GRIK4: variants seen among roughly 807,000 people sequenced by gnomAD.
The protein encoded by GRIK4 is glutamate ionotropic receptor kainate type subunit 4.
GRIK4 carries 40 observed loss-of-function variants against 104.9 expected under a neutral mutation model. The observed-to-expected ratio is 0.38, with a 90% CI of 0.30 to 0.50. GRIK4 has a LOEUF of 0.50. Among genes scored for constraint, GRIK4 ranks in the 20% least tolerant of loss-of-function variants. GRIK4 has a pLI of 0.93. For synonymous variants in GRIK4, 485 were observed against 524.9 expected (o/e 0.92, Z 1.04); for missense variants, 1,047 against 1,308.1 (o/e 0.80, Z 3.08).
chr11:120,976,697 T>G (rs1257511028), intron 19 of GRIK4, among the ~76,000 whole-genome samples: 1 of 152,232 alleles, frequency 6.6e-6, no homozygotes, highest in African/African-American at 2.4e-5. Context: ...TGTTGACCAA[T>G]GTCAAAGAGC....
chr11:120,529,722 T>G (rs1218075312), intron 1 of GRIK4, among the ~76,000 whole-genome samples: 1 of 152,222 alleles, frequency 6.6e-6, no homozygotes, highest in Non-Finnish European at 1.5e-5. Flanking sequence ...CTTTCCCACC[T>G]CAACCACCAT....
intron 11 of GRIK4, among the ~76,000 whole-genome samples, chr11:120,878,152 C>G (rs1018145179): frequency 1.3e-5 from 2 of 152,360 alleles, no homozygotes; most frequent in African/African-American, 4.8e-5. Flanking sequence ...GAGGCATCCT[C>G]CACAGCGGCT....
intron 3 of GRIK4, among the ~76,000 whole-genome samples, chr11:120,735,535 G>A (rs114462185): frequency 0.013 from 2,004 of 151,864 alleles, 39 homozygotes; most frequent in African/African-American, 0.045. Context: ...ACTGTAACCA[G>A]TACCTGGTTA....
rs766921998 is a variant in GRIK4, at chr11:120,956,878, C to T, written c.1799C>T (p.Pro600Leu). The T allele has an allele frequency of 1.7e-5, 27 of 1,613,880 alleles. No individual in the cohort carries two copies. The highest frequency in any genetic ancestry group is 2.2e-5 in the East Asian group (1 of 44,882). The change falls in exon 16 of 21, where the codon CCG becomes CTG. Residue 600 changes from proline to leucine, a missense_variant. Pro to Leu is a moderately conservative substitution (Grantham distance 98). This residue lies in a region of GRIK4 where 440 missense variants were observed against 652.3 expected (regional missense o/e 0.67). Coordinates refer to ENST00000527524, the MANE Select transcript of GRIK4 (RefSeq NM_014619.5). The surrounding 1 kb of genome is among the most constrained non-coding windows in gnomAD (Gnocchi z 4.6). ...QYSLGNSLWF[P>L]VGGFMQQGST... The stretch of plus-strand genomic sequence containing the variant: ...TCCCTGGGCAACAGCCTCTGGTTTC[C>T]GGTCGGGGGGTTCATGCAGCAAGGC...
rs1944793135 is a variant in GRIK4, at chr11:120,988,432, A to C, written c.*2172A>C. On this transcript the variant is annotated 3_prime_UTR_variant, in exon 21 of 21. Coordinates refer to ENST00000527524, the MANE Select transcript of GRIK4 (RefSeq NM_014619.5). ...GGGCGGGAAGGGTGGTTTTTTAAAA[A>C]AACTCGTTTTTATGAGCAGGCTATC... 6.6e-6 allele frequency: 1 copy of C among 152,260 alleles called. No homozygotes were observed. The highest frequency in any genetic ancestry group is 1.9e-4 in the East Asian group (1 of 5,184). The allele number at this position is 152,260 out of a possible 1,614,324, so 9.4% of individuals were successfully genotyped here. A position where few individuals can be genotyped will look rare whatever the true frequency, so the allele number is the denominator to read the frequency against.
intron 7 of GRIK4, among the ~76,000 whole-genome samples, chr11:120,836,280 C>T (rs1056625575): frequency 6.6e-6 from 1 of 152,150 alleles, no homozygotes; most frequent in Non-Finnish European, 1.5e-5. Context: ...CTTAGCCTTT[C>T]GTTGTGTCAG....
intron 1 of GRIK4, among the ~76,000 whole-genome samples, chr11:120,633,080 TG>T (rs1159673688): frequency 6.6e-5 from 10 of 152,220 alleles, no homozygotes; most frequent in Non-Finnish European, 1.0e-4. Context: ...CAGTGCCCTT[TG>T]CCTTGGGTGG....
At chr11:120,587,262 G>A (rs1329067724) in intron 1 of GRIK4, among the ~76,000 whole-genome samples, 3 of 152,070 alleles carry the variant, frequency 2.0e-5, no homozygotes, top group Admixed American at 1.3e-4. Context: ...ACCGACAATC[G>A]GGGTGAGAGG....
chr11:120,632,593 AC>A (rs1369310727), intron 1 of GRIK4, among the ~76,000 whole-genome samples: 1 of 152,060 alleles, frequency 6.6e-6, no homozygotes, highest in African/African-American at 2.4e-5. Flanking sequence ...TGTCCCAGCC[AC>A]CTTCTTCCTG....
chr11:120,526,554 C>T (rs1029377088), intron 1 of GRIK4, among the ~76,000 whole-genome samples: 8 of 152,164 alleles, frequency 5.3e-5, no homozygotes, highest in Non-Finnish European at 4.4e-5. Flanking sequence ...GTTTTTAGGC[C>T]GGGCACAGTG....
intron 1 of GRIK4, among the ~76,000 whole-genome samples, chr11:120,530,100 G>A (rs1476537745): frequency 3.9e-5 from 6 of 152,236 alleles, no homozygotes; most frequent in African/African-American, 1.4e-4. Context: ...CCCTGACCTT[G>A]GAAATGCCTG....
At chr11:120,810,981 A>G (rs1335154412) in intron 4 of GRIK4, among the ~76,000 whole-genome samples, 1 of 152,176 alleles carries the variant, frequency 6.6e-6, no homozygotes, top group Non-Finnish European at 1.5e-5. Context: ...GAATGATGTA[A>G]TTCCCCCCAC....
intron 3 of GRIK4, among the ~76,000 whole-genome samples, chr11:120,702,240 C>A (rs1432666924): frequency 6.6e-6 from 1 of 151,568 alleles, no homozygotes; most frequent in African/African-American, 2.4e-5. Context: ...AGGCGTGAGC[C>A]ACTGCGCCTG....
intron 16 of GRIK4, among the ~76,000 whole-genome samples, chr11:120,959,811 C>T (rs976542004): frequency 6.6e-6 from 1 of 152,202 alleles, no homozygotes; most frequent in African/African-American, 2.4e-5. Context: ...AAGTGCTTTT[C>T]GCCAGGTAGT....
intron 1 of GRIK4, among the ~76,000 whole-genome samples, chr11:120,640,109 C>G (rs1245447180): frequency 1.3e-5 from 2 of 152,146 alleles, no homozygotes; most frequent in African/African-American, 2.4e-5. Flanking sequence ...CAAGAAAGAA[C>G]TTGGGGCAAG....
At chr11:120,627,629 A>G (rs7928043) in intron 1 of GRIK4, among the ~76,000 whole-genome samples, 92,871 of 151,726 alleles carry the variant, frequency 0.61, 28,502 homozygotes, top group African/African-American at 0.65. Context: ...CTGCTGGGGC[A>G]AAACTGTCAA....
At position 120,552,427 on chromosome 11, in the gene GRIK4, G is replaced by C. The variant is rs533775726; in HGVS notation, c.-159+40540G>C. Among the ~76,000 whole-genome samples, 4 of 152,304 alleles carry C rather than the reference G, an allele frequency of 2.6e-5. No homozygotes were observed. The South Asian group carries it at 8.3e-4, about 32-fold the overall frequency. On this transcript the variant is annotated intron_variant, in intron 1 of 20. Transcript: ENST00000527524. ...CCAACACCTTGTTTTCTGATGGATG[G>C]AGAGACAAGGCAATGAGCTGAGGGT...
chr11:120,770,691 C>T (rs1422828308), intron 3 of GRIK4, among the ~76,000 whole-genome samples: 1 of 152,184 alleles, frequency 6.6e-6, no homozygotes, highest in East Asian at 1.9e-4. Context: ...CCGCCCCTGC[C>T]AAACTCATGT....
At chr11:120,621,022 T>C (rs73574451) in intron 1 of GRIK4, among the ~76,000 whole-genome samples, 5,864 of 152,258 alleles carry the variant, frequency 0.039, 317 homozygotes, top group African/African-American at 0.13. Flanking sequence ...CTCCAAAACC[T>C]ATATCCTCAG....
Sources: allele counts gnomAD v4.1 joint callset (sites outside exome capture counted in the v4.1 genomes callset), GRCh38; gene constraint gnomAD v4.1.1; regional missense constraint gnomAD v4.1.1; non-coding constraint Gnocchi (gnomAD v3.1); transcripts MANE v1.5; gene names NCBI Gene and HGNC (gene_info 2026-07-23, HGNC 2026-07-21).